Variants in CDS1 observed in about 807,000 individuals in gnomAD.
CDS1 encodes the protein phosphatidate cytidylyltransferase 1.
A neutral mutation model predicts 62.1 loss-of-function variants in CDS1; 41 were observed. The observed-to-expected ratio is 0.66, with a 90% CI of 0.51 to 0.86. The LOEUF is 0.86. CDS1 is among the 40% of genes least tolerant of loss of function. The probability of loss-of-function intolerance (pLI) is 0.00; values close to 1 mark genes in which losing one functional copy is unlikely to be tolerated. For missense variants in CDS1, 470 were observed against 550.1 expected (o/e 0.85, Z 1.46); for synonymous variants, 185 against 192.6 (o/e 0.96, Z 0.32).
At chr4:84,616,893 C>T (rs1357832553) in intron 3 of CDS1, among the ~76,000 whole-genome samples, 2 of 152,208 alleles carry the variant, frequency 1.3e-5, no homozygotes, top group Non-Finnish European at 2.9e-5. Flanking sequence ...AATCAGGACA[C>T]TGTGTAAACA....
intron 5 of CDS1, among the ~76,000 whole-genome samples, chr4:84,630,188 AG>A: frequency 6.6e-6 from 1 of 152,330 alleles, no homozygotes; most frequent in Non-Finnish European, 1.5e-5. Flanking sequence ...GAATTTTTAA[AG>A]GAATCTTTCA....
intron 1 of CDS1, among the ~76,000 whole-genome samples, chr4:84,593,038 A>G (rs1722639104): frequency 6.6e-6 from 1 of 152,226 alleles, no homozygotes; most frequent in Non-Finnish European, 1.5e-5. Context: ...ATCCAGATTC[A>G]GGAAACCAAA....
At chr4:84,641,086 G>A (rs1428290553) in intron 10 of CDS1, 96 bp downstream of exon 10, 2 of 807,268 alleles carry the variant, frequency 2.5e-6, no homozygotes, top group East Asian at 3.5e-5. Flanking sequence ...TTAATTTATT[G>A]TTGTTTTGAG....
At chr4:84,588,098 T>C (rs1437344836) in intron 1 of CDS1, among the ~76,000 whole-genome samples, 2 of 152,058 alleles carry the variant, frequency 1.3e-5, no homozygotes, top group East Asian at 3.9e-4. Context: ...TGGGGTGAAA[T>C]ATTCTGATTT....
intron 1 of CDS1, among the ~76,000 whole-genome samples, chr4:84,584,215 A>C (rs1203942999): frequency 1.3e-5 from 2 of 152,198 alleles, no homozygotes; most frequent in African/African-American, 4.8e-5. Context: ...ATTTAAGAAT[A>C]AGTAGATGCG....
At chr4:84,628,973 A>T (rs1456549638) in intron 5 of CDS1, among the ~76,000 whole-genome samples, 1 of 152,198 alleles carries the variant, frequency 6.6e-6, no homozygotes, top group Admixed American at 6.5e-5. Flanking sequence ...TACTATGTAG[A>T]TAAATGATGA....
chr4:84,583,193 A>C lies in CDS1; in HGVS notation c.-209A>C. 2.1e-6 allele frequency: 1 copy of C among 476,428 alleles called. No homozygotes were observed. Among genetic ancestry groups the C allele is most frequent in the Non-Finnish European group, 3.7e-6 (1 of 269,834 alleles). The allele number at this position is 476,428 out of a possible 1,614,324, so 29.5% of individuals were successfully genotyped here. The stretch of plus-strand genomic sequence containing the variant: ...CCTCCGCCGGAGCCGCGCTCGCTGC[A>C]GGCGGCCTCGAGCGCTCTCTCGTTG... On this transcript the variant is annotated 5_prime_UTR_variant, in exon 1 of 13. Coordinates refer to ENST00000295887, the MANE Select transcript of CDS1 (RefSeq NM_001263.4).
intron 1 of CDS1, among the ~76,000 whole-genome samples, chr4:84,599,405 C>CATATGT (rs1553902445): frequency 1.8e-3 from 45 of 24,676 alleles, no homozygotes; most frequent in Admixed American, 4.6e-3. Flanking sequence ...CACACACACA[C>CATATGT]ATATATATAT....
chr4:84,612,964 G>C (rs1456856188), intron 3 of CDS1, among the ~76,000 whole-genome samples: 1 of 149,618 alleles, frequency 6.7e-6, no homozygotes, highest in African/African-American at 2.5e-5. Flanking sequence ...ACTCCAGTCT[G>C]GGTGACAGAG....
At chr4:84,599,634 A>G (rs533630562) in intron 1 of CDS1, among the ~76,000 whole-genome samples, 50 of 151,514 alleles carry the variant, frequency 3.3e-4, no homozygotes, top group South Asian at 4.2e-4. Flanking sequence ...GTGTGTGTAT[A>G]TATATATATA....
intron 1 of CDS1, among the ~76,000 whole-genome samples, chr4:84,584,088 T>G (rs1722341916): frequency 6.6e-6 from 1 of 152,204 alleles, no homozygotes; most frequent in Admixed American, 6.5e-5. Flanking sequence ...TCTTCCAGCT[T>G]CTTTTGAGTA....
chr4:84,616,050 C>T (rs547344190), intron 3 of CDS1, among the ~76,000 whole-genome samples: 109 of 152,186 alleles, frequency 7.2e-4, no homozygotes, highest in African/African-American at 2.6e-3. Context: ...ATTTATAGTG[C>T]CAGTGGATGT....
chr4:84,603,191 G>A (rs1384079517), intron 1 of CDS1, among the ~76,000 whole-genome samples: 1 of 152,200 alleles, frequency 6.6e-6, no homozygotes, highest in African/African-American at 2.4e-5. Flanking sequence ...AATAAGGGCT[G>A]AGTTTGGATT....
intron 1 of CDS1, among the ~76,000 whole-genome samples, chr4:84,599,648 A>G (rs1722876054): frequency 6.6e-6 from 1 of 151,688 alleles, no homozygotes; most frequent in East Asian, 1.9e-4. Context: ...ATATATATGT[A>G]TTACATGTAC....
chr4:84,612,745 C>T (rs1723363479), intron 3 of CDS1, among the ~76,000 whole-genome samples: 1 of 151,910 alleles, frequency 6.6e-6, no homozygotes, highest in Non-Finnish European at 1.5e-5. Flanking sequence ...AATCTCAGCA[C>T]CTTGGGAGGC....
At chr4:84,618,154 A>T (rs1028133674) in intron 4 of CDS1, among the ~76,000 whole-genome samples, 15 of 152,330 alleles carry the variant, frequency 9.8e-5, no homozygotes, top group Middle Eastern at 3.4e-3. Flanking sequence ...TATATAAATC[A>T]TTGCTCTCAG....
intron 1 of CDS1, among the ~76,000 whole-genome samples, chr4:84,585,918 A>G (rs1367826186): frequency 6.6e-6 from 1 of 152,222 alleles, no homozygotes; most frequent in Non-Finnish European, 1.5e-5. Context: ...GCTCATTGTT[A>G]GCATAGAGGG....
chr4:84,593,379 G>T (rs1296881111), intron 1 of CDS1, among the ~76,000 whole-genome samples: 3 of 152,018 alleles, frequency 2.0e-5, no homozygotes, highest in Non-Finnish European at 4.4e-5. Context: ...ATCCTCTGTC[G>T]CCTTTAATAA....
At chr4:84,614,283 G>A (rs1041936731) in intron 3 of CDS1, among the ~76,000 whole-genome samples, 1 of 152,086 alleles carries the variant, frequency 6.6e-6, no homozygotes, top group Non-Finnish European at 1.5e-5. Flanking sequence ...AAAAAGTTTT[G>A]TGTTGTTCTG....
Sources: allele counts gnomAD v4.1 joint callset (sites outside exome capture counted in the v4.1 genomes callset), GRCh38; gene constraint gnomAD v4.1.1; transcripts MANE v1.5; gene names NCBI Gene and HGNC (gene_info 2026-07-23, HGNC 2026-07-21).